Variants in TENM4 observed in about 807,000 individuals in gnomAD.
TENM4 encodes teneurin-4.
TENM4 carries 82 observed loss-of-function variants against 243.3 expected under a neutral mutation model. The observed-to-expected ratio is 0.34, with a 90% CI of 0.28 to 0.40. The LOEUF (loss-of-function observed/expected upper bound fraction) is 0.40. Ranked by LOEUF, TENM4 falls within the 10% of genes least tolerant of loss-of-function variation. TENM4 has a pLI of 1.00. For missense variants in TENM4, 3,138 were observed against 3,673.3 expected, an observed-to-expected ratio of 0.85 and a Z score of 3.77; for synonymous variants, 1,412 against 1,456.3, an observed-to-expected ratio of 0.97 and a Z score of 0.69.
chr11:79,168,058 T>C (rs1295596893), intron 3 of TENM4, among the ~76,000 whole-genome samples: 1 of 152,188 alleles, frequency 6.6e-6, no homozygotes, highest in South Asian at 2.1e-4. Context: ...GGTTAGATCA[T>C]TGTCTTGTGC....
intron 14 of TENM4, among the ~76,000 whole-genome samples, chr11:78,810,967 G>A (rs1857487033): frequency 6.6e-6 from 1 of 152,186 alleles, no homozygotes. Context: ...AAAAGACCTT[G>A]GATGAAGTGA....
In TENM4 at chr11:79,365,656, A is replaced by G. The variant is rs146157975; in HGVS notation, c.-320-68113T>C. Among the ~76,000 whole-genome samples, 60 of 152,268 alleles carry G rather than the reference A, an allele frequency of 3.9e-4. 1 individual carries two copies. In the East Asian group the frequency reaches 9.8e-3, roughly 25 times the overall value. ...TTGGAGCTTACACTGCAGTGGGGAGACAGGCATTAGCATCTGACTACTGCA... is the reference window on the plus strand; with the variant it reads ...TTGGAGCTTACACTGCAGTGGGGAGGCAGGCATTAGCATCTGACTACTGCA... On this transcript the variant is annotated intron_variant, in intron 1 of 33. Coordinates refer to ENST00000278550, the MANE Select transcript of TENM4 (RefSeq NM_001098816.3).
intron 3 of TENM4, among the ~76,000 whole-genome samples, chr11:79,203,393 A>G (rs923431053): frequency 5.9e-5 from 9 of 152,248 alleles, no homozygotes; most frequent in Non-Finnish European, 1.3e-4. Flanking sequence ...GGTAAGTAGA[A>G]TATGATATGT....
chr11:79,049,730 T>C (rs899696022), intron 6 of TENM4, among the ~76,000 whole-genome samples: 1 of 152,240 alleles, frequency 6.6e-6, no homozygotes, highest in African/African-American at 2.4e-5. Flanking sequence ...TGGTGCATGC[T>C]AGGCAGAGGG....
intron 9 of TENM4, among the ~76,000 whole-genome samples, chr11:78,883,817 G>A (rs1217166765): frequency 6.6e-6 from 1 of 152,192 alleles, no homozygotes; most frequent in Non-Finnish European, 1.5e-5. Flanking sequence ...TGCAGCTGAC[G>A]ATTCTTCTTG....
intron 8 of TENM4, 134 bp downstream of exon 8, chr11:78,891,104 A>C: frequency 1.4e-6 from 1 of 731,276 alleles, no homozygotes; most frequent in Non-Finnish European, 2.3e-6. Context: ...CAAGTTGAAC[A>C]CGGACTTGGT....
At chr11:79,399,775 A>G (rs780632849) in intron 1 of TENM4, among the ~76,000 whole-genome samples, 8 of 152,162 alleles carry the variant, frequency 5.3e-5, no homozygotes, top group Non-Finnish European at 1.0e-4. Flanking sequence ...TTGAATTACT[A>G]TGACCTTAGG....
At chr11:78,921,520 T>C (rs1164441469) in intron 6 of TENM4, among the ~76,000 whole-genome samples, 4 of 152,242 alleles carry the variant, frequency 2.6e-5, no homozygotes, top group African/African-American at 9.6e-5. Flanking sequence ...AGACACTTCC[T>C]TCCTGACTGT....
intron 30 of TENM4, 145 bp downstream of exon 30, chr11:78,676,007 T>C: frequency 1.3e-6 from 1 of 788,474 alleles, no homozygotes; most frequent in Non-Finnish European, 1.9e-6. Flanking sequence ...CAAGGGTCTC[T>C]GATCACACAT....
At chr11:78,730,418 C>T (rs1389670409) in intron 21 of TENM4, among the ~76,000 whole-genome samples, 2 of 152,188 alleles carry the variant, frequency 1.3e-5, no homozygotes, top group East Asian at 3.8e-4. Context: ...CTGGCAGGAC[C>T]TGTGGTTCAC....
At chr11:79,416,746 G>A (rs1245260714) in intron 1 of TENM4, among the ~76,000 whole-genome samples, 1 of 152,150 alleles carries the variant, frequency 6.6e-6, no homozygotes, top group Admixed American at 6.6e-5. Context: ...TTGGTGGCAG[G>A]CTCAGGGTTT....
chr11:79,208,590 C>T (rs1270125252), intron 3 of TENM4, among the ~76,000 whole-genome samples: 1 of 152,208 alleles, frequency 6.6e-6, no homozygotes, highest in African/African-American at 2.4e-5. Flanking sequence ...TGATCCAATT[C>T]CAGACTCCCT....
Position 78,701,770 on chromosome 11 carries a change from C to T in TENM4, c.4843G>A (p.Asp1615Asn). The T allele has an allele frequency of 2.5e-6, 4 of 1,613,978 alleles. No homozygotes were observed. Among genetic ancestry groups the T allele is most frequent in the Non-Finnish European group, 3.4e-6 (4 of 1,179,884 alleles). ...TCTGTGATGAGTGTGATGTCGCCGT[C>T]CCCAGTGTAGGTGAAGTTGTACAGG... ...DYLYNFTYTG[D>N]GDITLITDNN... Residue 1615 changes from aspartate to asparagine, a missense_variant, in exon 28 of 34, where the codon GAC becomes AAC. Physicochemically the swap from Asp to Asn is conservative, Grantham distance 23. Transcript: ENST00000278550.
intron 13 of TENM4, among the ~76,000 whole-genome samples, chr11:78,813,766 T>C (rs929922672): frequency 1.3e-5 from 2 of 152,152 alleles, no homozygotes; most frequent in Non-Finnish European, 2.9e-5. Context: ...TGTCTAAATA[T>C]CAGGCACCAT....
intron 1 of TENM4, among the ~76,000 whole-genome samples, chr11:79,371,941 A>G (rs1242449769): frequency 2.0e-5 from 3 of 152,178 alleles, no homozygotes; most frequent in African/African-American, 4.8e-5. Context: ...GATAAGAGGT[A>G]GGTGTGAATG....
intron 12 of TENM4, among the ~76,000 whole-genome samples, chr11:78,832,969 G>A (rs1036301353): frequency 6.6e-6 from 1 of 152,174 alleles, no homozygotes; most frequent in Non-Finnish European, 1.5e-5. Context: ...TATTTGGGTC[G>A]AATGCTGGGT....
At chr11:78,869,330 A>G (rs1337240844) in intron 9 of TENM4, among the ~76,000 whole-genome samples, 2 of 152,258 alleles carry the variant, frequency 1.3e-5, no homozygotes, top group Non-Finnish European at 2.9e-5. Flanking sequence ...TCCTGACTGC[A>G]TCTCTGCAAA....
intron 1 of TENM4, among the ~76,000 whole-genome samples, chr11:79,365,844 G>A (rs1212742818): frequency 1.3e-5 from 2 of 152,278 alleles, no homozygotes; most frequent in Admixed American, 6.5e-5. Context: ...GCAGATGCCC[G>A]GTGCGGGTAG....
At chr11:78,791,029 C>A (rs753015800) in intron 15 of TENM4, among the ~76,000 whole-genome samples, 1 of 152,142 alleles carries the variant, frequency 6.6e-6, no homozygotes, top group Non-Finnish European at 1.5e-5. Context: ...CAGCCCTTTA[C>A]AAGCTGGGTT....
Sources: allele counts gnomAD v4.1 joint callset (sites outside exome capture counted in the v4.1 genomes callset), GRCh38; gene constraint gnomAD v4.1.1; transcripts MANE v1.5; gene names NCBI Gene and HGNC (gene_info 2026-07-23, HGNC 2026-07-21).